The following RARB variants were observed in gnomAD, a reference collection of about 807,000 sequenced individuals.
RARB encodes retinoic acid receptor beta, also known as HBV-activated protein.
A neutral mutation model predicts 51.9 loss-of-function variants in RARB; 17 were observed. The observed-to-expected ratio is 0.33, with a 90% CI of 0.22 to 0.49. The LOEUF (loss-of-function observed/expected upper bound fraction) is 0.49, where lower values mean the gene tolerates loss of function less well. Among genes scored for constraint, RARB ranks in the 20% least tolerant of loss-of-function variants. RARB has a pLI of 0.99. For missense variants in RARB, 369 were observed against 550.8 expected, an observed-to-expected ratio of 0.67 and a Z score of 3.30; for synonymous variants, 215 against 195.4, an observed-to-expected ratio of 1.10 and a Z score of -0.84.
chr3:25,272,228 C>T (rs548894131), intron 5 of RARB, among the ~76,000 whole-genome samples: 3 of 152,180 alleles, frequency 2.0e-5, no homozygotes, highest in African/African-American at 7.2e-5. Context: ...CGGTTGTGTA[C>T]TGTGCTGGCC....
intron 2 of RARB, among the ~76,000 whole-genome samples, chr3:24,948,490 AC>A (rs1695821363): frequency 6.6e-6 from 1 of 152,132 alleles, no homozygotes; most frequent in Non-Finnish European, 1.5e-5. Context: ...AGGCTAGCAA[AC>A]CTCTAGACCT....
At chr3:24,912,884 A>G (rs758224594) in intron 2 of RARB, among the ~76,000 whole-genome samples, 1 of 151,926 alleles carries the variant, frequency 6.6e-6, no homozygotes, top group Non-Finnish European at 1.5e-5. Context: ...AGATTGAAAG[A>G]CAGGAAAATT....
chr3:24,982,511 G>A (rs1307578186), intron 2 of RARB, among the ~76,000 whole-genome samples: 1 of 152,210 alleles, frequency 6.6e-6, no homozygotes, highest in Non-Finnish European at 1.5e-5. Flanking sequence ...GGGTAGTCCA[G>A]GAGGCTGTAT....
intron 5 of RARB, among the ~76,000 whole-genome samples, chr3:25,257,416 T>G (rs1478008988): frequency 1.3e-5 from 2 of 152,032 alleles, no homozygotes; most frequent in African/African-American, 4.8e-5. Context: ...CATAGAGATG[T>G]AATAATTGTC....
At chr3:25,192,685 T>C (rs1701133876) in intron 5 of RARB, among the ~76,000 whole-genome samples, 1 of 152,048 alleles carries the variant, frequency 6.6e-6, no homozygotes, top group African/African-American at 2.4e-5. Flanking sequence ...CAAGGATGTT[T>C]TGGCATCTGT....
In RARB at chr3:25,349,089, C is replaced by T. The variant is rs372881969; in HGVS notation, c.179-112104C>T. Among the ~76,000 whole-genome samples the T allele has an allele frequency of 3.9e-5, 6 of 152,228 alleles. No individual in the cohort carries two copies. In the East Asian group the frequency reaches 7.7e-4, roughly 20 times the overall value. On this transcript the variant is annotated intron_variant, in intron 5 of 11. Transcript: ENST00000383772. ...TTACCCATTCATGTCCTACATTTCC[C>T]TTCCATCCACTCCACACTATCCGTT...
At chr3:25,559,120 T>A (rs1700170099) in intron 3 of RARB, among the ~76,000 whole-genome samples, 1 of 152,122 alleles carries the variant, frequency 6.6e-6, no homozygotes, top group African/African-American at 2.4e-5. Flanking sequence ...ACCGCAAACC[T>A]AAATTCCATC....
intron 5 of RARB, among the ~76,000 whole-genome samples, chr3:25,177,592 G>T (rs945068198): frequency 6.6e-6 from 1 of 152,142 alleles, no homozygotes. Context: ...AATTGTAAAG[G>T]CTCAATAATT....
intron 3 of RARB, among the ~76,000 whole-genome samples, chr3:25,537,582 C>T (rs1234702381): frequency 6.6e-6 from 1 of 152,058 alleles, no homozygotes; most frequent in Non-Finnish European, 1.5e-5. Context: ...CCCACATTGC[C>T]GTATCATGAA....
intron 4 of RARB, among the ~76,000 whole-genome samples, chr3:25,172,154 T>A (rs1025349972): frequency 6.6e-6 from 1 of 152,168 alleles, no homozygotes; most frequent in African/African-American, 2.4e-5. Context: ...TCGTTTTTAA[T>A]ATTAATAGGC....
intron 5 of RARB, among the ~76,000 whole-genome samples, chr3:25,317,277 G>A (rs1270673004): frequency 6.6e-6 from 1 of 152,046 alleles, no homozygotes; most frequent in African/African-American, 2.4e-5. Flanking sequence ...GTGGTTGGAT[G>A]AAAGGGAGGG....
At chr3:24,923,502 T>C (rs1695260172) in intron 2 of RARB, among the ~76,000 whole-genome samples, 1 of 151,404 alleles carries the variant, frequency 6.6e-6, no homozygotes. Context: ...TTCTTTTTCT[T>C]TTTTTTTTCT....
At chr3:25,025,828 TTAAG>T (rs965865674) in intron 2 of RARB, among the ~76,000 whole-genome samples, 1 of 152,132 alleles carries the variant, frequency 6.6e-6, no homozygotes, top group African/African-American at 2.4e-5. Flanking sequence ...ATAAATCCCA[TTAAG>T]TGTCAGTTTG....
chr3:25,054,633 A>T (rs1229764181), intron 2 of RARB, among the ~76,000 whole-genome samples: 3 of 152,198 alleles, frequency 2.0e-5, no homozygotes, highest in African/African-American at 7.2e-5. Flanking sequence ...GGAAAGGGGG[A>T]GCAGGAGAAA....
At chr3:25,037,518 A>T (rs1006193381) in intron 2 of RARB, among the ~76,000 whole-genome samples, 4 of 152,080 alleles carry the variant, frequency 2.6e-5, no homozygotes, top group African/African-American at 9.7e-5. Context: ...ATTTTTAAGG[A>T]GGTGAATGGA....
chr3:25,290,510 C>T (rs1006752703), intron 5 of RARB, among the ~76,000 whole-genome samples: 2 of 152,160 alleles, frequency 1.3e-5, no homozygotes, highest in Admixed American at 1.3e-4. Flanking sequence ...CAAACTAATC[C>T]ACTGTGTGGA....
intron 3 of RARB, among the ~76,000 whole-genome samples, chr3:25,067,136 G>C (rs1698679363): frequency 6.6e-6 from 1 of 152,118 alleles, no homozygotes; most frequent in Non-Finnish European, 1.5e-5. Flanking sequence ...GCTGATCACG[G>C]GTGAGCACCT....
chr3:25,370,977 C>T (rs1706281322), intron 5 of RARB, among the ~76,000 whole-genome samples: 1 of 152,154 alleles, frequency 6.6e-6, no homozygotes, highest in South Asian at 2.1e-4. Context: ...TCACATGGCC[C>T]TCTTATCTTC....
intron 3 of RARB, among the ~76,000 whole-genome samples, chr3:25,525,936 AG>A (rs963146962): frequency 5.3e-5 from 8 of 152,336 alleles, no homozygotes; most frequent in Non-Finnish European, 1.2e-4. Context: ...GCTGTAGGCT[AG>A]GGGGTGAGTG....
Sources: gnomAD v4.1 joint callset for allele counts (sites outside exome capture counted in the v4.1 genomes callset) on GRCh38, gnomAD v4.1.1 for gene constraint, MANE v1.5 for transcripts, NCBI Gene and HGNC (gene_info 2026-07-23, HGNC 2026-07-21) for gene names.